ZNF804A: variants seen among roughly 807,000 people sequenced by gnomAD.
ZNF804A encodes the protein zinc finger protein 804A.
In ZNF804A, 2 loss-of-function variants were observed where a neutral mutation model predicts 16.5. The ratio of observed to expected loss-of-function variants is 0.12; its 90% CI spans 0.05 to 0.38. The LOEUF (loss-of-function observed/expected upper bound fraction) is 0.38. Ranked by LOEUF, ZNF804A falls within the 10% of genes least tolerant of loss-of-function variation. ZNF804A has a pLI of 0.99. For missense variants in ZNF804A, 1,473 were observed against 1,390.7 expected (o/e 1.06, Z -0.94); for synonymous variants, 534 against 489.6 (o/e 1.09, Z -1.20).
chr2:184,648,000 T>C (rs1270668622), intron 1 of ZNF804A, among the ~76,000 whole-genome samples: 6 of 152,044 alleles, frequency 3.9e-5, no homozygotes, highest in Admixed American at 3.3e-4. Context: ...GCTCAAATAA[T>C]GTACAAAGGG....
At chr2:184,648,554 T>G (rs550176036) in intron 1 of ZNF804A, among the ~76,000 whole-genome samples, 1 of 152,086 alleles carries the variant, frequency 6.6e-6, no homozygotes, top group African/African-American at 2.4e-5. Context: ...ACACCTCACA[T>G]GTGTTGAAAC....
intron 1 of ZNF804A, among the ~76,000 whole-genome samples, chr2:184,795,908 A>G (rs1201938331): frequency 3.9e-5 from 6 of 152,132 alleles, no homozygotes; most frequent in Non-Finnish European, 8.8e-5. Context: ...AATAACAATC[A>G]GAGAGATTGA....
rs1428776295 is a variant in ZNF804A, at chr2:184,724,636, A to C, written c.111+125566A>C. Among the ~76,000 whole-genome samples, 5 of 151,830 alleles carry C rather than the reference A, an allele frequency of 3.3e-5. No homozygotes were observed. In the East Asian group the frequency reaches 9.6e-4, roughly 29 times the overall value. On this transcript the variant is annotated intron_variant, in intron 1 of 3. Coordinates refer to ENST00000302277, the MANE Select transcript of ZNF804A (RefSeq NM_194250.2). ...CTCTGTTATTGGCAAACTCTTGCTA[A>C]ACCCAGATCTTGTGCTGATGTCTGA...
intron 2 of ZNF804A, among the ~76,000 whole-genome samples, chr2:184,884,881 CA>C (rs1472035286): frequency 6.6e-6 from 1 of 151,992 alleles, no homozygotes; most frequent in African/African-American, 2.4e-5. Flanking sequence ...CTTTGTACAG[CA>C]AAAGAAATTG....
chr2:184,863,555 A>T (rs1353481618), intron 1 of ZNF804A, among the ~76,000 whole-genome samples: 5 of 78,972 alleles, frequency 6.3e-5, no homozygotes, highest in Admixed American at 1.1e-4. Context: ...CAAACTTATT[A>T]AAAAAAAAAA....
chr2:184,819,655 A>G (rs1695040054), intron 1 of ZNF804A, among the ~76,000 whole-genome samples: 1 of 151,972 alleles, frequency 6.6e-6, no homozygotes, highest in African/African-American at 2.4e-5. Context: ...AAAAAATTTA[A>G]TAAAATAGAC....
chr2:184,872,993 G>T (rs1324814360), intron 2 of ZNF804A, among the ~76,000 whole-genome samples: 1 of 151,988 alleles, frequency 6.6e-6, no homozygotes, highest in East Asian at 1.9e-4. Context: ...AATAGTGAAG[G>T]GATATACTTT....
At chr2:184,664,551 A>C (rs1692226634) in intron 1 of ZNF804A, among the ~76,000 whole-genome samples, 1 of 152,136 alleles carries the variant, frequency 6.6e-6, no homozygotes, top group Non-Finnish European at 1.5e-5. Context: ...TCATCTTTTA[A>C]TAATCTCATA....
At chr2:184,755,097 T>C (rs1338428593) in intron 1 of ZNF804A, among the ~76,000 whole-genome samples, 1 of 151,918 alleles carries the variant, frequency 6.6e-6, no homozygotes, top group Non-Finnish European at 1.5e-5. Context: ...AGCAGAATGA[T>C]CTCAGTGTTA....
intron 2 of ZNF804A, among the ~76,000 whole-genome samples, chr2:184,891,585 T>C (rs1684985369): frequency 6.8e-6 from 1 of 147,900 alleles, no homozygotes; most frequent in Non-Finnish European, 1.5e-5. Context: ...ACCACTGTTA[T>C]TCTTTTTTTC....
intron 1 of ZNF804A, among the ~76,000 whole-genome samples, chr2:184,815,306 C>T (rs1694965835): frequency 6.6e-6 from 1 of 151,720 alleles, no homozygotes; most frequent in African/African-American, 2.4e-5. Flanking sequence ...AATATTTTCT[C>T]AAATAATATG....
intron 2 of ZNF804A, among the ~76,000 whole-genome samples, chr2:184,876,967 T>A (rs983159285): frequency 2.0e-5 from 3 of 152,158 alleles, no homozygotes; most frequent in Non-Finnish European, 4.4e-5. Context: ...TGTAATCCAA[T>A]AAAAGTCCTA....
intron 2 of ZNF804A, among the ~76,000 whole-genome samples, chr2:184,889,582 A>C (rs1430235880): frequency 1.3e-5 from 2 of 151,918 alleles, no homozygotes; most frequent in Non-Finnish European, 2.9e-5. Context: ...TTAAAGCTGT[A>C]GTATATTAAA....
intron 1 of ZNF804A, among the ~76,000 whole-genome samples, chr2:184,660,820 T>C (rs1229879399): frequency 1.3e-5 from 2 of 152,250 alleles, no homozygotes; most frequent in Non-Finnish European, 2.9e-5. Context: ...CAAAGCATGG[T>C]GCGTTGCACC....
chr2:184,935,728 A>ATT lies in ZNF804A; in HGVS notation c.387-47_387-46dup, dbSNP rs58269460. 3.0e-5 allele frequency: 44 copies of ATT among 1,457,820 alleles called. No individual in the cohort carries two copies. In the African/African-American group the frequency reaches 4.5e-4, roughly 15 times the overall value. 90.3% of individuals were successfully genotyped at this position (1,457,820 alleles called of 1,614,324 possible). ...TTTTTAAAGATGAAAATATTTGACT[A>ATT]TTTTTTTTTCTCAAAAGTGTGCTAT... On this transcript the variant is annotated intron_variant, in intron 3 of 3. Transcript: ENST00000302277.
intron 2 of ZNF804A, among the ~76,000 whole-genome samples, chr2:184,927,807 T>G (rs1423935621): frequency 1.3e-5 from 2 of 152,168 alleles, no homozygotes; most frequent in African/African-American, 4.8e-5. Context: ...GCTATTTCCT[T>G]AAGAGTCAAA....
chr2:184,880,560 C>A (rs1684795629), intron 2 of ZNF804A, among the ~76,000 whole-genome samples: 1 of 151,898 alleles, frequency 6.6e-6, no homozygotes, highest in Non-Finnish European at 1.5e-5. Context: ...TATTGAAATT[C>A]TTTTGTGTCT....
intron 2 of ZNF804A, among the ~76,000 whole-genome samples, chr2:184,925,951 A>G (rs1685603083): frequency 6.6e-6 from 1 of 151,680 alleles, no homozygotes; most frequent in Non-Finnish European, 1.5e-5. Flanking sequence ...GTCTCGCTCT[A>G]TCTTATGTAT....
intron 1 of ZNF804A, among the ~76,000 whole-genome samples, chr2:184,731,251 CAAAAAAAAAAAA>C (rs563068533): frequency 2.2e-4 from 10 of 45,312 alleles, no homozygotes; most frequent in Middle Eastern, 0.045. Flanking sequence ...GGCTCCGTCG[CAAAAAAAAAAAA>C]AAAAAAAAAA....
Sources: gnomAD v4.1 joint callset for allele counts (sites outside exome capture counted in the v4.1 genomes callset) on GRCh38, gnomAD v4.1.1 for gene constraint, MANE v1.5 for transcripts, NCBI Gene and HGNC (gene_info 2026-07-23, HGNC 2026-07-21) for gene names.